FGF23: variants seen among roughly 807,000 people sequenced by gnomAD.
The protein encoded by FGF23 is phosphatonin.
Under a neutral mutation model 9.0 loss-of-function variants are expected in FGF23, and 8 were observed. That is an observed-to-expected ratio of 0.89 (90% CI 0.52 to 1.60). The LOEUF is 1.60. Ranked by LOEUF, FGF23 falls within the 40% of genes most tolerant of loss-of-function variation. The probability of loss-of-function intolerance (pLI) is 0.00; values close to 1 mark genes in which losing one functional copy is unlikely to be tolerated. For missense variants in FGF23, 311 were observed against 344.3 expected (o/e 0.90, Z 0.77); for synonymous variants, 118 against 146.2 (o/e 0.81, Z 1.39).
intron 1 of FGF23, among the ~76,000 whole-genome samples, chr12:4,373,719 C>T (rs1469387324): frequency 2.6e-5 from 4 of 152,146 alleles, no homozygotes; most frequent in African/African-American, 4.8e-5. Context: ...GTGTAACATG[C>T]GTGATAATTC....
At chr12:4,377,163 A>G (rs1282549163) in intron 1 of FGF23, among the ~76,000 whole-genome samples, 2 of 152,130 alleles carry the variant, frequency 1.3e-5, no homozygotes, top group East Asian at 3.8e-4. Context: ...GTGGGCTTTC[A>G]AGGAAAAGGT....
chr12:4,371,452 C>T (rs1040189297), intron 2 of FGF23, among the ~76,000 whole-genome samples: 2 of 152,174 alleles, frequency 1.3e-5, no homozygotes, highest in Admixed American at 1.3e-4. Context: ...TCTAGCCAGA[C>T]ACTATTGTAG....
At chr12:4,376,286 C>G (rs1865115616) in intron 1 of FGF23, among the ~76,000 whole-genome samples, 1 of 151,950 alleles carries the variant, frequency 6.6e-6, no homozygotes. Flanking sequence ...TCCAGTGACC[C>G]AAAGATGGGT....
At chr12:4,372,495 C>G in intron 2 of FGF23, 99 bp downstream of exon 2, 1 of 780,846 alleles carries the variant, frequency 1.3e-6, no homozygotes, top group Non-Finnish European at 2.3e-6. Flanking sequence ...CACCAGGGTA[C>G]ACTGCAAATG....
Position 4,371,224 on chromosome 12 carries a change from A to G in FGF23, c.316-441T>C, listed in dbSNP as rs990738653. On this transcript the variant is annotated intron_variant, in intron 2 of 2. Transcript: ENST00000237837. ...GATTGGAGACATGAACTTTGCTGAC[A>G]GATGAGCTGGGTTTGAATCCTCTAC... Among the ~76,000 whole-genome samples, 7 of 152,344 alleles carry G rather than the reference A, an allele frequency of 4.6e-5. No individual in the cohort carries two copies. In the South Asian group the frequency reaches 1.2e-3, roughly 27 times the overall value.
intron 2 of FGF23, among the ~76,000 whole-genome samples, chr12:4,371,638 G>A (rs1285805369): frequency 2.0e-5 from 3 of 152,188 alleles, no homozygotes; most frequent in Non-Finnish European, 4.4e-5. Flanking sequence ...TTACCAATCC[G>A]AATGAATAGC....
chr12:4,376,514 T>G (rs1325769707), intron 1 of FGF23, among the ~76,000 whole-genome samples: 1 of 151,384 alleles, frequency 6.6e-6, no homozygotes, highest in Non-Finnish European at 1.5e-5. Flanking sequence ...ATCTTTCCTC[T>G]TTCTTTTGGG....
At chr12:4,374,221 A>C (rs948551624) in intron 1 of FGF23, among the ~76,000 whole-genome samples, 1 of 152,218 alleles carries the variant, frequency 6.6e-6, no homozygotes, top group African/African-American at 2.4e-5. Flanking sequence ...CCTTGAGGAA[A>C]GCTTCCCAGA....
rs1319994134 is a variant in FGF23 at position 4,369,132 on chromosome 12, A to T, written c.*1211T>A. On this transcript the variant is annotated 3_prime_UTR_variant, in exon 3 of 3. Coordinates refer to ENST00000237837, the MANE Select transcript of FGF23 (RefSeq NM_020638.3). ...GATTGAGACCCAGATGTGTCAGCCT[A>T]GGAGAGTTTTAACTAATCGAAGAGC... The T allele has an allele frequency of 4.3e-6, 1 of 230,488 alleles. No homozygotes were observed. Among genetic ancestry groups the T allele is most frequent in the Non-Finnish European group, 8.6e-6 (1 of 116,420 alleles). The allele number at this position is 230,488 out of a possible 1,614,324, so 14.3% of individuals were successfully genotyped here. A position where few individuals can be genotyped will look rare whatever the true frequency, so the allele number is the denominator to read the frequency against.
In FGF23 at chr12:4,370,834, C is replaced by T. The variant is rs1865057354; in HGVS notation, c.316-51G>A. ...GAAGGCTGGCAGTGGGGGCCCCACC[C>T]ACTCCCCAGCTCCTCCTGGGGCCAC... On this transcript the variant is annotated intron_variant, in intron 2 of 2. Transcript: ENST00000237837. 2.0e-6 allele frequency: 3 copies of T among 1,486,306 alleles called. No homozygotes were observed. The East Asian group carries it at 6.8e-5, about 34-fold the overall frequency. The allele number at this position is 1,486,306 out of a possible 1,614,324, so 92.1% of individuals were successfully genotyped here.
At chr12:4,374,319 T>C (rs1865094465) in intron 1 of FGF23, among the ~76,000 whole-genome samples, 1 of 152,140 alleles carries the variant, frequency 6.6e-6, no homozygotes, top group Non-Finnish European at 1.5e-5. Flanking sequence ...ATGGCTAGTT[T>C]TGTGGTAAAC....
At position 4,370,738 on chromosome 12, in the gene FGF23, C is replaced by T. The variant is rs1286090989; in HGVS notation, c.361G>A (p.Glu121Lys). The change falls in exon 3 of 3, where the codon GAA (glutamate) becomes AAA (lysine). Residue 121 changes from glutamate (E) to lysine (K), a missense_variant. By Grantham distance (56) the Glu-to-Lys change is moderately conservative (BLOSUM62 1). Transcript: ENST00000237837. ...ENCRFQHQTL[E>K]NGYDVYHSPQ... ...GAGTGGTAGACGTCGTACCCGTTTT[C>T]CAGCGTCTGGTGTTGGAACCTGCAG... The T allele has an allele frequency of 6.2e-7, 1 of 1,614,122 alleles. No individual in the cohort carries two copies. The highest frequency in any genetic ancestry group is 8.5e-7 in the Non-Finnish European group (1 of 1,180,020).
Position 4,368,372 on chromosome 12 carries a change from A to G in FGF23, c.*1971T>C, listed in dbSNP as rs140798293. 582 of 180,930 alleles carry G rather than the reference A, an allele frequency of 3.2e-3. 6 individuals are homozygous for G. Among genetic ancestry groups the G allele is most frequent in the African/African-American group, 0.013 (541 of 42,552 alleles). The allele number at this position is 180,930 out of a possible 1,614,324, so 11.2% of individuals were successfully genotyped here. On this transcript the variant is annotated 3_prime_UTR_variant, in exon 3 of 3. Transcript: ENST00000237837. ...ATTTTGCCTTCTCTGGATTTCCCTAATGTTCCCCTCCCATAATCCTTTTTA... is the reference window on the plus strand; with the variant it reads ...ATTTTGCCTTCTCTGGATTTCCCTAGTGTTCCCCTCCCATAATCCTTTTTA...
chr12:4,377,516 T>C (rs11063121), intron 1 of FGF23, among the ~76,000 whole-genome samples: 109,330 of 140,006 alleles, frequency 0.78, 43,784 homozygotes, highest in Middle Eastern at 0.91. Flanking sequence ...CTGCAAGCTC[T>C]GCCTCCCGGG....
intron 1 of FGF23, 40 bp from the exon 2 acceptor site, chr12:4,372,737 C>T: frequency 1.6e-6 from 2 of 1,271,512 alleles, no homozygotes; most frequent in South Asian, 1.2e-5. Context: ...TCATTGCCAT[C>T]CAATTCCCAC....
At chr12:4,379,123 A>G (rs191329519) in intron 1 of FGF23, among the ~76,000 whole-genome samples, 1 of 152,284 alleles carries the variant, frequency 6.6e-6, no homozygotes, top group Non-Finnish European at 1.5e-5. Flanking sequence ...TTGAAATAAA[A>G]ATTATTCATA....
Position 4,370,822 on chromosome 12 carries a change from G to A in FGF23, c.316-39C>T, listed in dbSNP as rs768405683. The A allele has an allele frequency of 5.6e-6, 9 of 1,593,426 alleles. No individual in the cohort carries two copies. In the South Asian group the frequency reaches 9.9e-5, roughly 18 times the overall value. ...AGCGAACCACGTGAAGGCTGGCAGT[G>A]GGGGCCCCACCCACTCCCCAGCTCC... On this transcript the variant is annotated intron_variant, in intron 2 of 2. Transcript: ENST00000237837.
chr12:4,379,311 A>G (rs910291342), intron 1 of FGF23, 61 bp downstream of exon 1: 13 of 1,490,882 alleles, frequency 8.7e-6, no homozygotes, highest in Middle Eastern at 1.7e-4. Context: ...AACCTCCCCA[A>G]GCCTCCTGTA....
Position 4,369,813 on chromosome 12 carries a change from A to G in FGF23, c.*530T>C, listed in dbSNP as rs1259325014. ...AGGCTTGAAAGTAGTGTTTTCATCA[A>G]CTTGCCCCATTCAGCTGTTAATGTC... On this transcript the variant is annotated 3_prime_UTR_variant, in exon 3 of 3. Transcript: ENST00000237837. The G allele has an allele frequency of 1.3e-5, 3 of 230,464 alleles. No individual in the cohort carries two copies. Among genetic ancestry groups the G allele is most frequent in the South Asian group, 1.8e-4 (1 of 5,494 alleles). 14.3% of individuals were successfully genotyped at this position (230,464 alleles called of 1,614,324 possible).
Sources: gnomAD v4.1 joint callset for allele counts (sites outside exome capture counted in the v4.1 genomes callset) on GRCh38, gnomAD v4.1.1 for gene constraint, MANE v1.5 for transcripts, NCBI Gene and HGNC (gene_info 2026-07-23, HGNC 2026-07-21) for gene names.